ADAM32: variants seen among roughly 807,000 people sequenced by gnomAD.
ADAM32 encodes the protein ADAM metallopeptidase domain 32.
ADAM32 carries 89 observed loss-of-function variants against 114.9 expected under a neutral mutation model. The ratio of observed to expected loss-of-function variants is 0.77; its 90% CI spans 0.65 to 0.92. The LOEUF is 0.92. Among genes scored for constraint, ADAM32 ranks in the 40% least tolerant of loss-of-function variants. ADAM32 has a pLI of 0.00. For synonymous variants in ADAM32, 285 were observed against 307.5 expected, an observed-to-expected ratio of 0.93 and a Z score of 0.77; for missense variants, 870 against 932.8, an observed-to-expected ratio of 0.93 and a Z score of 0.88.
chr8:39,181,064 C>T (rs572383256), intron 10 of ADAM32, among the ~76,000 whole-genome samples: 4 of 152,330 alleles, frequency 2.6e-5, no homozygotes, highest in Admixed American at 2.0e-4. Flanking sequence ...TACCAATCAG[C>T]AGGATGTGGG....
chr8:39,238,736 A>T (rs538196970), intron 16 of ADAM32, among the ~76,000 whole-genome samples: 1 of 152,172 alleles, frequency 6.6e-6, no homozygotes, highest in Admixed American at 6.5e-5. Context: ...AATAAAAGAA[A>T]TCATAACTTA....
intron 10 of ADAM32, among the ~76,000 whole-genome samples, chr8:39,173,334 T>C (rs1308348196): frequency 6.6e-6 from 1 of 152,196 alleles, no homozygotes; most frequent in Non-Finnish European, 1.5e-5. Flanking sequence ...CCAGCATCTG[T>C]TGTTTCTTGA....
upstream of ADAM32, chr8:39,107,533 G>A: frequency 8.7e-7 from 1 of 1,148,706 alleles, no homozygotes; most frequent in Non-Finnish European, 1.2e-6. Context: ...GTGGTCAGTG[G>A]CTCCAGCAAC....
At chr8:39,193,061 T>C (rs1806708425) in intron 11 of ADAM32, among the ~76,000 whole-genome samples, 1 of 152,188 alleles carries the variant, frequency 6.6e-6, no homozygotes, top group Admixed American at 6.5e-5. Context: ...AATGTTGGCC[T>C]CTCTAGCTAG....
chr8:39,180,206 G>A (rs928591913), intron 10 of ADAM32, among the ~76,000 whole-genome samples: 30 of 152,326 alleles, frequency 2.0e-4, no homozygotes, highest in Non-Finnish European at 1.6e-4. Context: ...CCCCGCACTC[G>A]GAGCAGCGGG....
intron 3 of ADAM32, among the ~76,000 whole-genome samples, chr8:39,141,052 T>C (rs1204753157): frequency 6.6e-6 from 1 of 152,242 alleles, no homozygotes; most frequent in Non-Finnish European, 1.5e-5. Context: ...TTTATCATTT[T>C]TTATTGCATC....
chr8:39,164,953 A>G, intron 8 of ADAM32, 77 bp from the exon 9 acceptor site: 2 of 1,509,168 alleles, frequency 1.3e-6, no homozygotes, highest in East Asian at 2.3e-5. Context: ...GTGGGATTGT[A>G]AAAACTTTGA....
At position 39,246,134 on chromosome 8, in the gene ADAM32, C is replaced by T. The variant is rs1335295431; in HGVS notation, c.1870C>T (p.His624Tyr). The T allele has an allele frequency of 1.2e-6, 2 of 1,613,486 alleles. No individual in the cohort carries two copies. Among genetic ancestry groups the T allele is most frequent in the South Asian group, 2.2e-5 (2 of 91,054 alleles). ...VESRIIKASA[H>Y]VCSQQCSGHG... ...ATCAAGGATAATTAAGGCTTCAGCA[C>T]ATGTTTGTTCACAACAGTGTTCTGG... The change falls in exon 17 of 25, where the codon CAT (histidine) becomes TAT (tyrosine). Residue 624 changes from histidine (H) to tyrosine (Y), a missense_variant. By Grantham distance (83) the His-to-Tyr change is moderately conservative. Coordinates refer to ENST00000379907, the MANE Select transcript of ADAM32 (RefSeq NM_145004.7).
chr8:39,221,769 C>A, intron 13 of ADAM32, 67 bp downstream of exon 13: 1 of 1,053,004 alleles, frequency 9.5e-7, no homozygotes, highest in Non-Finnish European at 1.4e-6. Flanking sequence ...CTTTACAACA[C>A]AGACCTACAG....
At chr8:39,249,157 G>A (rs1396396291) in intron 17 of ADAM32, among the ~76,000 whole-genome samples, 2 of 152,046 alleles carry the variant, frequency 1.3e-5, no homozygotes, top group African/African-American at 2.4e-5. Flanking sequence ...GCCCGTCTTG[G>A]CCTCCCAAAG....
intron 12 of ADAM32, among the ~76,000 whole-genome samples, chr8:39,212,053 GT>G (rs1200813330): frequency 6.6e-6 from 1 of 151,802 alleles, no homozygotes; most frequent in African/African-American, 2.4e-5. Flanking sequence ...TTTTGCTCTT[GT>G]TGCCCAGGCT....
chr8:39,211,397 A>G (rs1808208352), intron 12 of ADAM32, 73 bp downstream of exon 12: 1 of 1,342,882 alleles, frequency 7.4e-7, no homozygotes, highest in Non-Finnish European at 9.7e-7. Flanking sequence ...AATGTCATAT[A>G]TCTCAAATGT....
intron 19 of ADAM32, among the ~76,000 whole-genome samples, chr8:39,267,442 A>C (rs778125444): frequency 2.0e-5 from 3 of 152,064 alleles, no homozygotes; most frequent in Non-Finnish European, 4.4e-5. Flanking sequence ...GCTGAGAACT[A>C]CTCAGCTGTA....
chr8:39,184,504 G>T (rs530727037), intron 10 of ADAM32, among the ~76,000 whole-genome samples: 2 of 152,336 alleles, frequency 1.3e-5, no homozygotes, highest in African/African-American at 4.8e-5. Context: ...CCTGCACTTA[G>T]ACCAGTAGAC....
chr8:39,232,934 A>T (rs907571722), intron 15 of ADAM32, among the ~76,000 whole-genome samples: 20 of 152,212 alleles, frequency 1.3e-4, no homozygotes, highest in African/African-American at 4.6e-4. Flanking sequence ...ATTAGACTGT[A>T]AAGTCCTTAG....
intron 3 of ADAM32, among the ~76,000 whole-genome samples, chr8:39,146,381 A>G (rs76946554): frequency 0.072 from 10,892 of 152,014 alleles, 532 homozygotes; most frequent in Non-Finnish European, 0.11. Flanking sequence ...GAAAACTCTT[A>G]CAATCCAACA....
intron 16 of ADAM32, among the ~76,000 whole-genome samples, chr8:39,242,387 T>TCTGTATTAG (rs1490582863): frequency 6.6e-6 from 1 of 152,196 alleles, no homozygotes; most frequent in Non-Finnish European, 1.5e-5. Context: ...ACTGTATTAG[T>TCTGTATTAG]TTTTTTCATG....
chr8:39,198,624 C>T (rs1201599314), intron 11 of ADAM32, among the ~76,000 whole-genome samples: 1 of 152,182 alleles, frequency 6.6e-6, no homozygotes, highest in African/African-American at 2.4e-5. Context: ...GTGATCCACC[C>T]ACCTTGGCCT....
At chr8:39,159,878 G>C (rs1030134893) in intron 6 of ADAM32, among the ~76,000 whole-genome samples, 1 of 152,202 alleles carries the variant, frequency 6.6e-6, no homozygotes, top group African/African-American at 2.4e-5. Context: ...GGATGCCAAT[G>C]AGCTGGATGT....
Sources: allele counts gnomAD v4.1 joint callset (sites outside exome capture counted in the v4.1 genomes callset), GRCh38; gene constraint gnomAD v4.1.1; transcripts MANE v1.5; gene names NCBI Gene and HGNC (gene_info 2026-07-23, HGNC 2026-07-21).